REPS1: variants seen among roughly 807,000 people sequenced by gnomAD.
REPS1 encodes the protein ralBP1-associated Eps domain-containing protein 1.
In REPS1, 39 loss-of-function variants were observed where a neutral mutation model predicts 100.9. The observed-to-expected ratio is 0.39, with a 90% confidence interval of 0.30 to 0.50. The LOEUF is 0.50. REPS1 is among the 20% of genes least tolerant of loss of function. The pLI is 0.86. For synonymous variants in REPS1, 324 were observed against 340.3 expected, an observed-to-expected ratio of 0.95 and a Z score of 0.53; for missense variants, 821 against 968.5, an observed-to-expected ratio of 0.85 and a Z score of 2.02.
rs73561195 is a variant in REPS1, at chr6:138,948,443, T to C, written c.154-530A>G. Among the ~76,000 whole-genome samples, 696 of 152,318 alleles carry C rather than the reference T, an allele frequency of 4.6e-3. 7 individuals carry two copies. The highest frequency in any genetic ancestry group is 0.016 in the African/African-American group (653 of 41,580). Reference sequence around the variant, plus strand: ...ATGAGATTGAGTCGGGTTTTCCCTCTTATTTTCCAAATGTGTTTAATATGG... The same window carrying C: ...ATGAGATTGAGTCGGGTTTTCCCTCCTATTTTCCAAATGTGTTTAATATGG... On this transcript the variant is annotated intron_variant, in intron 1 of 19. Transcript: ENST00000450536.
At chr6:138,934,460 T>C in intron 8 of REPS1, 1 of 357,358 alleles carries the variant, frequency 2.8e-6, no homozygotes, top group Non-Finnish European at 6.0e-6. Context: ...ACCTACGGCT[T>C]ATTCTACATT....
At position 138,914,746 on chromosome 6, in the gene REPS1, C is replaced by A; in HGVS notation, c.1736G>T (p.Gly579Val). 1 of 1,611,572 alleles carries A rather than the reference C, an allele frequency of 6.2e-7. No homozygotes were observed. Among genetic ancestry groups the A allele is most frequent in the Non-Finnish European group, 8.5e-7 (1 of 1,179,312 alleles). The change falls in exon 15 of 20, where the codon GGA becomes GTA. Residue 579 changes from glycine (G) to valine (V), a missense_variant. By Grantham distance (109) the Gly-to-Val change is moderately radical. Coordinates refer to ENST00000450536, the MANE Select transcript of REPS1 (RefSeq NM_001286611.2). ...CACTGCAGGAGGATGGGCAACAACT[C>A]CAGCCTGTTGTTGTCCTGCATGAAT... ...FTVTTGQQQA[G>V]VVAHPPAVPP...
intron 1 of REPS1, among the ~76,000 whole-genome samples, chr6:138,952,422 A>G (rs9321684): frequency 0.64 from 97,034 of 151,244 alleles, 33,134 homozygotes; most frequent in African/African-American, 0.88. Context: ...CCTCTGAGAC[A>G]GAGTCCTGCT....
intron 1 of REPS1, among the ~76,000 whole-genome samples, chr6:138,953,831 C>G (rs1439347060): frequency 6.6e-6 from 1 of 152,144 alleles, no homozygotes; most frequent in Non-Finnish European, 1.5e-5. Flanking sequence ...ATCCAGCAAT[C>G]CTACTACTGA....
intron 1 of REPS1, among the ~76,000 whole-genome samples, chr6:138,955,983 ATAGT>A (rs1159764944): frequency 1.3e-5 from 2 of 152,166 alleles, no homozygotes; most frequent in Non-Finnish European, 2.9e-5. Flanking sequence ...TGGACTTTAT[ATAGT>A]TAGAGACTTC....
intron 1 of REPS1, among the ~76,000 whole-genome samples, chr6:138,961,896 G>GA (rs1344358220): frequency 2.6e-5 from 4 of 152,192 alleles, no homozygotes; most frequent in African/African-American, 9.7e-5. Flanking sequence ...GCAAGGTGAG[G>GA]AAAGTAGTGA....
intron 1 of REPS1, among the ~76,000 whole-genome samples, chr6:138,968,021 T>G (rs1335070937): frequency 6.6e-6 from 1 of 152,210 alleles, no homozygotes; most frequent in Non-Finnish European, 1.5e-5. Flanking sequence ...CAACCTAAGC[T>G]GAAAATATCC....
chr6:138,951,777 G>A (rs1783055977), intron 1 of REPS1, among the ~76,000 whole-genome samples: 2 of 152,224 alleles, frequency 1.3e-5, no homozygotes, highest in South Asian at 4.1e-4. Flanking sequence ...CCATCTCTAA[G>A]ATTTGATAAT....
At chr6:138,943,427 G>A (rs896275822) in intron 7 of REPS1, 86 bp downstream of exon 7, 17 of 775,078 alleles carry the variant, frequency 2.2e-5, no homozygotes, top group Admixed American at 1.8e-4. Flanking sequence ...GGGGTTAGTT[G>A]TTTATTTTTT....
At chr6:138,946,407 G>T (rs1214929416) in intron 2 of REPS1, among the ~76,000 whole-genome samples, 1 of 152,150 alleles carries the variant, frequency 6.6e-6, no homozygotes, top group African/African-American at 2.4e-5. Context: ...GATACTTTTA[G>T]ACCAGAAAAA....
chr6:138,940,455 G>T (rs1176497546), intron 8 of REPS1, among the ~76,000 whole-genome samples: 3 of 152,036 alleles, frequency 2.0e-5, no homozygotes, highest in Non-Finnish European at 2.9e-5. Flanking sequence ...TCTTTTTAAA[G>T]AAAGGTCCAG....
chr6:138,975,394 T>C (rs888640739), intron 1 of REPS1, among the ~76,000 whole-genome samples: 4 of 152,204 alleles, frequency 2.6e-5, no homozygotes, highest in Non-Finnish European at 5.9e-5. Context: ...TGGGAAAGCA[T>C]TATTAAGTTC....
chr6:138,987,114 G>C (rs749598728), intron 1 of REPS1, among the ~76,000 whole-genome samples: 1 of 151,728 alleles, frequency 6.6e-6, no homozygotes, highest in Non-Finnish European at 1.5e-5. Context: ...ACGTCTTCTC[G>C]GTTAATCCAA....
intron 19 of REPS1, 182 bp downstream of exon 19, chr6:138,907,313 A>AGGGTGTGTGT: frequency 7.5e-6 from 1 of 132,590 alleles, no homozygotes; most frequent in South Asian, 1.9e-4. Flanking sequence ...AAAAAAAAAA[A>AGGGTGTGTGT]GTGTGTGTGT....
rs911465253 is a variant in REPS1, at chr6:138,988,045, C to G, written c.-363G>C. On this transcript the variant is annotated 5_prime_UTR_variant, in exon 1 of 20. Transcript: ENST00000450536. ...CCGCCCCCGCCGCGGGTTCGAGTCT[C>G]CCCGGCTCCCTGCCGATTCCCCCAG... 2.5e-6 allele frequency: 1 copy of G among 397,360 alleles called. No individual in the cohort carries two copies. The highest frequency in any genetic ancestry group is 2.1e-5 in the African/African-American group (1 of 48,580). 24.6% of individuals were successfully genotyped at this position (397,360 alleles called of 1,614,324 possible).
chr6:138,903,943 T>A lies in REPS1; in HGVS notation c.*1121A>T, dbSNP rs1304551337. ...GAATCTATAGTATTTAAACATTTTT[T>A]CTTTCAGAAATGAAAATACAAAATC... On this transcript the variant is annotated 3_prime_UTR_variant, in exon 20 of 20. Transcript: ENST00000450536. 1.3e-5 allele frequency: 2 copies of A among 152,206 alleles called. No homozygotes were observed. The highest frequency in any genetic ancestry group is 2.9e-5 in the Non-Finnish European group (2 of 68,014). The allele number at this position is 152,206 out of a possible 1,614,324, so 9.4% of individuals were successfully genotyped here.
intron 8 of REPS1, among the ~76,000 whole-genome samples, chr6:138,935,784 G>A (rs372798659): frequency 1.8e-4 from 26 of 148,294 alleles, no homozygotes; most frequent in Admixed American, 3.4e-4. Flanking sequence ...AACCTGGGAG[G>A]GGGAGGTTGC....
intron 1 of REPS1, among the ~76,000 whole-genome samples, chr6:138,974,939 G>A (rs1275432582): frequency 6.6e-6 from 1 of 151,800 alleles, no homozygotes; most frequent in African/African-American, 2.4e-5. Context: ...GCAGTGAGCC[G>A]TGATAATGCC....
At chr6:138,908,075 T>C (rs80351450) in intron 18 of REPS1, among the ~76,000 whole-genome samples, 1,582 of 152,306 alleles carry the variant, frequency 0.01, 21 homozygotes, top group African/African-American at 0.036. Flanking sequence ...CTTAATCTGC[T>C]GATTCCTGGT....
Sources: allele counts gnomAD v4.1 joint callset (sites outside exome capture counted in the v4.1 genomes callset), GRCh38; gene constraint gnomAD v4.1.1; transcripts MANE v1.5; gene names NCBI Gene and HGNC (gene_info 2026-07-23, HGNC 2026-07-21).